MYOM1: variants seen among roughly 807,000 people sequenced by gnomAD.
The protein encoded by MYOM1 is myomesin 1.
A neutral mutation model predicts 205.3 loss-of-function variants in MYOM1; 164 were observed. The observed-to-expected ratio is 0.80, with a 90% CI of 0.70 to 0.91. The LOEUF (loss-of-function observed/expected upper bound fraction) is 0.91. Ranked by LOEUF, MYOM1 falls within the 40% of genes least tolerant of loss-of-function variation. The probability of loss-of-function intolerance (pLI) is 0.00; values close to 1 mark genes in which losing one functional copy is unlikely to be tolerated. For missense variants in MYOM1, 2,011 were observed against 2,127.3 expected (o/e 0.95, Z 1.08); for synonymous variants, 772 against 789.4 (o/e 0.98, Z 0.37).
At position 3,119,936 on chromosome 18, in the gene MYOM1, A is replaced by T; in HGVS notation, c.3051T>A (p.Ala1017=). ...YQFQVAAMNM[A]GLGAPSAVSE... ...TTACTGCGGAGGGCGCGCCCAGCCC[A>T]GCCATGTTCATGGCTGCCACTTGGA... The change falls in exon 20 of 38, where the codon GCT becomes GCA. Residue 1017 remains alanine (A), a synonymous_variant. Coordinates refer to ENST00000356443, the MANE Select transcript of MYOM1 (RefSeq NM_003803.4). 6 of 1,611,768 alleles carry T rather than the reference A, an allele frequency of 3.7e-6. No homozygotes were observed. The highest frequency in any genetic ancestry group is 5.1e-6 in the Non-Finnish European group (6 of 1,178,998).
chr18:3,070,630 T>C (rs2078948179), intron 37 of MYOM1, among the ~76,000 whole-genome samples: 1 of 152,226 alleles, frequency 6.6e-6, no homozygotes, highest in African/African-American at 2.4e-5. Context: ...TTCAGTGATT[T>C]ACCTGATGCC....
intron 2 of MYOM1, among the ~76,000 whole-genome samples, chr18:3,198,386 T>G (rs2081020389): frequency 6.6e-6 from 1 of 152,238 alleles, no homozygotes; most frequent in Non-Finnish European, 1.5e-5. Flanking sequence ...TCTTTCCCAC[T>G]GCCTGTGACT....
intron 19 of MYOM1, among the ~76,000 whole-genome samples, chr18:3,122,757 C>T (rs2079715251): frequency 6.6e-6 from 1 of 151,990 alleles, no homozygotes. Flanking sequence ...CTAGAATATA[C>T]CAAATTATAA....
chr18:3,079,068 C>G, intron 34 of MYOM1, 111 bp downstream of exon 34: 1 of 1,121,914 alleles, frequency 8.9e-7, no homozygotes, highest in Non-Finnish European at 1.3e-6. Context: ...CTGCCTTGGC[C>G]TCTCAAGGTG....
chr18:3,100,305 T>C lies in MYOM1; in HGVS notation c.3682+15A>G. 6.2e-7 allele frequency: 1 copy of C among 1,612,956 alleles called. No individual in the cohort carries two copies. Reference sequence around the variant, plus strand: ...AGCAACATTCGATGTGTGAATGCACTGATTTTAAACTTACCTTCCTCATCT... The same window carrying C: ...AGCAACATTCGATGTGTGAATGCACCGATTTTAAACTTACCTTCCTCATCT... On this transcript the variant is annotated intron_variant, in intron 24 of 37. Coordinates refer to ENST00000356443, the MANE Select transcript of MYOM1 (RefSeq NM_003803.4).
chr18:3,118,741 T>C (rs1338377851), intron 20 of MYOM1, among the ~76,000 whole-genome samples: 3 of 152,138 alleles, frequency 2.0e-5, no homozygotes, highest in Non-Finnish European at 4.4e-5. Context: ...AATTTGAAAA[T>C]AGACCCACTT....
chr18:3,116,824 T>C (rs1411852135), intron 20 of MYOM1, among the ~76,000 whole-genome samples: 1 of 152,128 alleles, frequency 6.6e-6, no homozygotes, highest in Admixed American at 6.5e-5. Context: ...GACCTTTTAT[T>C]GGAACAGTCT....
At chr18:3,173,470 A>G (rs1163406156) in intron 8 of MYOM1, among the ~76,000 whole-genome samples, 1 of 151,918 alleles carries the variant, frequency 6.6e-6, no homozygotes, top group Non-Finnish European at 1.5e-5. Flanking sequence ...CTGACTGGGT[A>G]GGGTGTAGGG....
chr18:3,142,113 G>T (rs916928254), intron 13 of MYOM1, 50 bp from the exon 14 acceptor site: 2 of 1,592,912 alleles, frequency 1.3e-6, no homozygotes, highest in Non-Finnish European at 1.7e-6. Flanking sequence ...GGTAGCCCAG[G>T]ATACTCAGAG....
chr18:3,128,946 C>G (rs980939492), intron 18 of MYOM1, among the ~76,000 whole-genome samples: 6 of 152,152 alleles, frequency 3.9e-5, no homozygotes, highest in Admixed American at 3.9e-4. Flanking sequence ...AAAATCAGGC[C>G]AGAGGTGTAT....
At chr18:3,107,154 G>C (rs1164952609) in intron 22 of MYOM1, among the ~76,000 whole-genome samples, 1 of 152,090 alleles carries the variant, frequency 6.6e-6, no homozygotes, top group African/African-American at 2.4e-5. Flanking sequence ...GTCTCACTCT[G>C]TTGCCCAGGC....
At chr18:3,119,603 T>A (rs1048067824) in intron 20 of MYOM1, among the ~76,000 whole-genome samples, 1 of 152,214 alleles carries the variant, frequency 6.6e-6, no homozygotes, top group African/African-American at 2.4e-5. Flanking sequence ...GCCGGCTGCC[T>A]GTGCTAATCC....
intron 22 of MYOM1, among the ~76,000 whole-genome samples, chr18:3,104,745 CTTTTTT>C (rs745369627): frequency 3.7e-5 from 3 of 80,586 alleles, no homozygotes; most frequent in Admixed American, 2.0e-4. Context: ...GAATTGGAAT[CTTTTTT>C]TTTTTTTTTT....
chr18:3,165,373 A>C (rs907191195), intron 9 of MYOM1, among the ~76,000 whole-genome samples: 5 of 152,230 alleles, frequency 3.3e-5, no homozygotes, highest in Non-Finnish European at 7.3e-5. Flanking sequence ...ATTTGTATAA[A>C]ATTCAGGATG....
intron 25 of MYOM1, among the ~76,000 whole-genome samples, chr18:3,096,682 A>G (rs757561025): frequency 3.3e-5 from 5 of 152,148 alleles, no homozygotes; most frequent in African/African-American, 4.8e-5. Context: ...GTATTTATGT[A>G]TACGTGCTTG....
At position 3,215,141 on chromosome 18, in the gene MYOM1, T is replaced by C. The variant is rs781229811; in HGVS notation, c.83A>G (p.His28Arg). The C allele has an allele frequency of 8.7e-6, 14 of 1,613,878 alleles. No homozygotes were observed. The highest frequency in any genetic ancestry group is 1.1e-5 in the Non-Finnish European group (13 of 1,179,860). The change falls in exon 2 of 38, where the codon CAC (histidine) becomes CGC (arginine). Residue 28 changes from histidine (H) to arginine (R), a missense_variant. His to Arg is a conservative substitution (Grantham distance 29). Coordinates refer to ENST00000356443, the MANE Select transcript of MYOM1 (RefSeq NM_003803.4). ...GGAGCGTTTCTTCTCCCGCTGGTAG[T>C]GACTCACGGTGCTGCGCACGTCCTT... ...RNKDVRSTVS[H>R]YQREKKRSAV... is the part of the protein sequence containing the mutation.
chr18:3,198,421 T>C (rs1046687076), intron 2 of MYOM1, among the ~76,000 whole-genome samples: 2 of 152,328 alleles, frequency 1.3e-5, no homozygotes, highest in Admixed American at 1.3e-4. Context: ...ATGGTCTCAG[T>C]GATTTTTATA....
At chr18:3,231,534 CTT>C in the MYOM1 span, among the ~76,000 whole-genome samples, 150 of 120,178 alleles carry the variant, frequency 1.2e-3, no homozygotes, top group African/African-American at 4.1e-3. Flanking sequence ...AATATGCATC[CTT>C]TTTTTTTTTT....
intron 1 of MYOM1, 127 bp from the exon 2 acceptor site, chr18:3,215,378 C>T (rs1424172870): frequency 1.3e-6 from 1 of 769,682 alleles, no homozygotes. Context: ...GAAATCCCAA[C>T]GAGGATCTCT....
Sources: gnomAD v4.1 joint callset for allele counts (sites outside exome capture counted in the v4.1 genomes callset) on GRCh38, gnomAD v4.1.1 for gene constraint, MANE v1.5 for transcripts, NCBI Gene and HGNC (gene_info 2026-07-23, HGNC 2026-07-21) for gene names.